SCML4: variants seen among roughly 807,000 people sequenced by gnomAD.
SCML4 encodes the protein Scm polycomb group protein like 4, also known as sex comb on midleg-like protein 4.
In SCML4, 34 loss-of-function variants were observed where a neutral mutation model predicts 41.1. That is an observed-to-expected ratio of 0.83 (90% confidence interval 0.63 to 1.10). SCML4 has a LOEUF of 1.10. SCML4 is among the 50% of genes least tolerant of loss of function. SCML4 has a pLI of 0.00. For missense variants in SCML4, 522 were observed against 534.1 expected (o/e 0.98, Z 0.22); for synonymous variants, 214 against 220.9 (o/e 0.97, Z 0.28).
intron 1 of SCML4, among the ~76,000 whole-genome samples, chr6:107,807,813 G>A (rs141525697): frequency 1.3e-5 from 2 of 152,296 alleles, no homozygotes; most frequent in African/African-American, 4.8e-5. Context: ...GTTCTTGTAC[G>A]GAAAGGGGGC....
chr6:107,831,764 A>G, the SCML4 span, among the ~76,000 whole-genome samples: 1 of 152,258 alleles, frequency 6.6e-6, no homozygotes, highest in Non-Finnish European at 1.5e-5. Context: ...CTAAAAATAG[A>G]AAAATTAGTC....
intron 1 of SCML4, among the ~76,000 whole-genome samples, chr6:107,809,469 T>C (rs1173359737): frequency 1.3e-5 from 2 of 151,922 alleles, no homozygotes; most frequent in African/African-American, 4.8e-5. Context: ...CTGTGAAGGG[T>C]GCTAATGAGA....
chr6:107,739,441 T>C (rs1777382807), intron 5 of SCML4, among the ~76,000 whole-genome samples: 1 of 152,208 alleles, frequency 6.6e-6, no homozygotes, highest in Admixed American at 6.5e-5. Context: ...TGCATCTTCT[T>C]ATCATGTGAT....
intron 1 of SCML4, among the ~76,000 whole-genome samples, chr6:107,795,136 T>G (rs1782613224): frequency 6.6e-6 from 1 of 152,236 alleles, no homozygotes; most frequent in East Asian, 1.9e-4. Flanking sequence ...ACAAATAGTA[T>G]ACATCAACCT....
chr6:107,810,484 G>A (rs1388103101), intron 1 of SCML4, among the ~76,000 whole-genome samples: 1 of 152,168 alleles, frequency 6.6e-6, no homozygotes, highest in Non-Finnish European at 1.5e-5. Flanking sequence ...GGAGATTCCA[G>A]TTCTTCTTTA....
intron 1 of SCML4, among the ~76,000 whole-genome samples, chr6:107,803,411 A>G (rs1188481694): frequency 1.1e-3 from 136 of 127,050 alleles, no homozygotes; most frequent in Non-Finnish European, 1.2e-3. Flanking sequence ...CAGCCGCCCC[A>G]TCCGGGAGGG....
At chr6:107,753,164 A>C (rs1176627223) in intron 2 of SCML4, among the ~76,000 whole-genome samples, 1 of 151,918 alleles carries the variant, frequency 6.6e-6, no homozygotes, top group African/African-American at 2.4e-5. Flanking sequence ...CAAAATGAAA[A>C]CCCCCCAGAA....
At chr6:107,775,772 G>A (rs74945153) in intron 1 of SCML4, among the ~76,000 whole-genome samples, 4,059 of 152,236 alleles carry the variant, frequency 0.027, 157 homozygotes, top group African/African-American at 0.081. Flanking sequence ...TGCCCTCCTA[G>A]TTATTAAAAT....
At chr6:107,839,358 AAAGAAAGAAG>A in the SCML4 span, among the ~76,000 whole-genome samples, 1 of 57,240 alleles carries the variant, frequency 1.7e-5, no homozygotes, top group Non-Finnish European at 3.8e-5. Context: ...AGAAAGAAAG[AAAGAAAGAAG>A]GAAAGAAAGA....
intron 2 of SCML4, among the ~76,000 whole-genome samples, chr6:107,751,642 CT>C (rs997713165): frequency 9.7e-4 from 108 of 111,910 alleles, no homozygotes; most frequent in African/African-American, 3.5e-3. Context: ...TTCTTTCTTT[CT>C]TTCTTTTTTG....
intron 1 of SCML4, among the ~76,000 whole-genome samples, chr6:107,788,780 C>T (rs1182026454): frequency 2.0e-5 from 3 of 152,104 alleles, no homozygotes; most frequent in Non-Finnish European, 4.4e-5. Flanking sequence ...TCACTACACA[C>T]CGGTTTATTC....
the SCML4 span, among the ~76,000 whole-genome samples, chr6:107,835,076 T>G: frequency 1.3e-5 from 2 of 152,170 alleles, no homozygotes; most frequent in African/African-American, 2.4e-5. Context: ...AAAAGGGCAT[T>G]AGGCTGGGCT....
At chr6:107,766,732 G>A (rs934222245) in intron 2 of SCML4, among the ~76,000 whole-genome samples, 1 of 152,152 alleles carries the variant, frequency 6.6e-6, no homozygotes, top group African/African-American at 2.4e-5. Flanking sequence ...ATGGGCACTG[G>A]GGGGTAGGCA....
At chr6:107,732,160 G>A (rs12526696) in intron 5 of SCML4, 19,159 of 152,324 alleles carry the variant, frequency 0.13, 1,405 homozygotes, top group Admixed American at 0.18. Flanking sequence ...TGAGGCTCCT[G>A]TGGAGGTTTG....
At chr6:107,799,371 T>C (rs980045607) in intron 1 of SCML4, among the ~76,000 whole-genome samples, 5 of 152,216 alleles carry the variant, frequency 3.3e-5, no homozygotes, top group Admixed American at 6.5e-5. Flanking sequence ...GATATTGCTA[T>C]AGTCACTCCC....
chr6:107,763,974 C>T (rs563056467), intron 2 of SCML4, among the ~76,000 whole-genome samples: 12 of 152,218 alleles, frequency 7.9e-5, no homozygotes, highest in Admixed American at 3.3e-4. Flanking sequence ...CATAGTTTTC[C>T]TTGTGGACAC....
At chr6:107,726,833 G>C (rs1776034642) in intron 5 of SCML4, among the ~76,000 whole-genome samples, 1 of 152,274 alleles carries the variant, frequency 6.6e-6, no homozygotes, top group Admixed American at 6.5e-5. Context: ...GCCACTTTGG[G>C]AAACAGCCTG....
rs543092555 is a variant in SCML4, at chr6:107,786,838, C to A, written c.-59-14452G>T. 2.6e-5 allele frequency among the ~76,000 whole-genome samples: 4 copies of A among 152,324 alleles called. No individual in the cohort carries two copies. The South Asian group carries it at 6.2e-4, about 24-fold the overall frequency. ...AGAGGACTCAGCAACCACTTTCCAA[C>A]AACAAGGCCACTGCAATAAGACGCA... is the stretch of plus-strand genomic sequence containing the variant. On this transcript the variant is annotated intron_variant, in intron 1 of 7. Coordinates refer to ENST00000369020, the MANE Select transcript of SCML4 (RefSeq NM_198081.5).
chr6:107,733,640 CA>C (rs768982007), intron 5 of SCML4, among the ~76,000 whole-genome samples: 9 of 152,310 alleles, frequency 5.9e-5, no homozygotes, highest in East Asian at 5.8e-4. Flanking sequence ...GGTTGTGGTC[CA>C]GGGGAATAAC....
Sources: allele counts gnomAD v4.1 joint callset (sites outside exome capture counted in the v4.1 genomes callset), GRCh38; gene constraint gnomAD v4.1.1; transcripts MANE v1.5; gene names NCBI Gene and HGNC (gene_info 2026-07-23, HGNC 2026-07-21).